RSPH14: variants seen among roughly 807,000 people sequenced by gnomAD.
RSPH14 encodes radial spoke head 14 homolog, also known as rhabdoid tumor deletion region gene 1.
Under a neutral mutation model 26.7 loss-of-function variants are expected in RSPH14, and 20 were observed. The ratio of observed to expected loss-of-function variants is 0.75; its 90% CI spans 0.53 to 1.09. The LOEUF (loss-of-function observed/expected upper bound fraction) is 1.09, where lower values mean the gene tolerates loss of function less well. Among genes scored for constraint, RSPH14 ranks in the 50% least tolerant of loss-of-function variants. The pLI is 0.00. For synonymous variants in RSPH14, 177 were observed against 189.3 expected (o/e 0.93, Z 0.53); for missense variants, 449 against 457.2 (o/e 0.98, Z 0.16).
chr22:23,099,428 A>G (rs1318313026), intron 4 of RSPH14, among the ~76,000 whole-genome samples: 1 of 152,240 alleles, frequency 6.6e-6, no homozygotes, highest in African/African-American at 2.4e-5. Flanking sequence ...CCCAAGCCCA[A>G]CACCCAGCTG....
chr22:23,088,147 G>A (rs2068866772), intron 4 of RSPH14, among the ~76,000 whole-genome samples: 1 of 152,208 alleles, frequency 6.6e-6, no homozygotes, highest in Non-Finnish European at 1.5e-5. Context: ...TCATAATTTT[G>A]TAAAGGCGGT....
the RSPH14 span, chr22:23,161,680 C>A: frequency 3.2e-6 from 3 of 944,006 alleles, no homozygotes; most frequent in South Asian, 1.6e-5. Context: ...AAGCTGTAGG[C>A]CCATGTTCCA....
chr22:23,149,734 G>A (rs2070994708), upstream of RSPH14, among the ~76,000 whole-genome samples: 1 of 152,148 alleles, frequency 6.6e-6, no homozygotes, highest in African/African-American at 2.4e-5. Flanking sequence ...GGCACCAAAA[G>A]AGCTCCACTC....
the RSPH14 span, chr22:23,153,668 G>T: frequency 6.8e-6 from 3 of 443,566 alleles, no homozygotes; most frequent in Non-Finnish European, 8.8e-6. Context: ...CCTCTCCCCA[G>T]CCTCACTTTC....
Position 23,063,917 on chromosome 22 carries a change from G to A in RSPH14, c.638C>T (p.Ala213Val), listed in dbSNP as rs775859719. 84 of 1,613,992 alleles carry A rather than the reference G, an allele frequency of 5.2e-5. No homozygotes were observed. In the Middle Eastern group the frequency reaches 9.9e-4, roughly 19 times the overall value. Residue 213 changes from alanine (A) to valine (V), a missense_variant, in exon 5 of 7, where the codon GCG becomes GTG. By Grantham distance (64) the Ala-to-Val change is moderately conservative (BLOSUM62 0). Coordinates refer to ENST00000216036, the MANE Select transcript of RSPH14 (RefSeq NM_014433.3). The part of the protein sequence containing the change: ...NQNIRSKAAR[A>V]LLNVSISREG... ...CAGGCCTCACCTGACATTAAGGAGC[G>A]CACGGGCGGCCTTGCTGCGGATGTT...
intron 4 of RSPH14, among the ~76,000 whole-genome samples, chr22:23,074,664 A>C (rs2146250724): frequency 6.6e-6 from 1 of 152,284 alleles, no homozygotes; most frequent in South Asian, 2.1e-4. Context: ...CTGGGCCTCC[A>C]CTGTGGGGAG....
intron 4 of RSPH14, among the ~76,000 whole-genome samples, chr22:23,082,487 G>A (rs2068712461): frequency 6.6e-6 from 1 of 151,480 alleles, no homozygotes; most frequent in Admixed American, 6.6e-5. Flanking sequence ...CCAAAGTGCT[G>A]GGATTACAGG....
At chr22:23,158,230 A>G in the RSPH14 span, among the ~76,000 whole-genome samples, 2 of 152,128 alleles carry the variant, frequency 1.3e-5, no homozygotes, top group African/African-American at 4.8e-5. Flanking sequence ...ATTTGTCCCT[A>G]TTCTGGAGGA....
chr22:23,073,202 G>A (rs2068422294), intron 4 of RSPH14, among the ~76,000 whole-genome samples: 1 of 152,214 alleles, frequency 6.6e-6, no homozygotes, highest in African/African-American at 2.4e-5. Flanking sequence ...GAGGAGGCAG[G>A]TCAGCATGCT....
intron 4 of RSPH14, among the ~76,000 whole-genome samples, chr22:23,085,018 C>G (rs2068780592): frequency 6.6e-6 from 1 of 152,194 alleles, no homozygotes; most frequent in South Asian, 2.1e-4. Flanking sequence ...TTGGGGCCAC[C>G]TGCCACTAGG....
At chr22:23,106,811 G>A (rs1431568893) in intron 4 of RSPH14, among the ~76,000 whole-genome samples, 1 of 152,250 alleles carries the variant, frequency 6.6e-6, no homozygotes, top group Non-Finnish European at 1.5e-5. Flanking sequence ...TTCAGGAAAA[G>A]TTGTCCCTGT....
chr22:23,154,706 C>T, the RSPH14 span, among the ~76,000 whole-genome samples: 22 of 152,218 alleles, frequency 1.4e-4, no homozygotes, highest in Admixed American at 5.2e-4. Context: ...AGCCTCCCTA[C>T]GGGCTCATCT....
intron 4 of RSPH14, chr22:23,132,793 A>C (rs1416500412): frequency 1.3e-5 from 2 of 152,078 alleles, no homozygotes; most frequent in Non-Finnish European, 2.9e-5. Flanking sequence ...GTACAGTCCC[A>C]TTACTGATCG....
chr22:23,114,131 T>C (rs569631429), intron 4 of RSPH14, among the ~76,000 whole-genome samples: 1 of 152,176 alleles, frequency 6.6e-6, no homozygotes, highest in African/African-American at 2.4e-5. Flanking sequence ...TGGTACTCGG[T>C]GGCCCTGGTC....
At chr22:23,144,008 C>T (rs1162756913), upstream of RSPH14, among the ~76,000 whole-genome samples, 3 of 144,688 alleles carry the variant, frequency 2.1e-5, no homozygotes, top group African/African-American at 5.2e-5. Flanking sequence ...GCAGGAGAAT[C>T]GCTTGAGCCG....
chr22:23,112,250 C>T (rs1196599069), intron 4 of RSPH14, among the ~76,000 whole-genome samples: 1 of 152,248 alleles, frequency 6.6e-6, no homozygotes, highest in Non-Finnish European at 1.5e-5. Flanking sequence ...CCAGCTGCCA[C>T]AGCCCCAGGC....
intron 4 of RSPH14, among the ~76,000 whole-genome samples, chr22:23,106,203 C>T (rs574156771): frequency 4.6e-5 from 7 of 152,342 alleles, no homozygotes; most frequent in East Asian, 3.9e-4. Flanking sequence ...GGACCTAAGA[C>T]CCTGCAAGTC....
chr22:23,178,513 C>T, the RSPH14 span, among the ~76,000 whole-genome samples: 1 of 152,092 alleles, frequency 6.6e-6, no homozygotes, highest in African/African-American at 2.4e-5. Flanking sequence ...TCATTTGCAT[C>T]TCAGTTTCCT....
intron 4 of RSPH14, among the ~76,000 whole-genome samples, chr22:23,087,811 C>T (rs1397322765): frequency 6.6e-6 from 1 of 152,112 alleles, no homozygotes; most frequent in Non-Finnish European, 1.5e-5. Flanking sequence ...CTGGGTGGGG[C>T]CAGTTGATCC....
Sources: gnomAD v4.1 joint callset for allele counts (sites outside exome capture counted in the v4.1 genomes callset) on GRCh38, gnomAD v4.1.1 for gene constraint, MANE v1.5 for transcripts, NCBI Gene and HGNC (gene_info 2026-07-23, HGNC 2026-07-21) for gene names.